Variants in KCTD8 observed in about 807,000 individuals in gnomAD.
The protein encoded by KCTD8 is BTB/POZ domain-containing protein KCTD8.
KCTD8 carries 27 observed loss-of-function variants against 31.5 expected under a neutral mutation model. That is an observed-to-expected ratio of 0.86 (90% CI 0.63 to 1.18). The LOEUF is 1.18. Among genes scored for constraint, KCTD8 ranks in the 50% most tolerant of loss-of-function variants. The pLI is 0.00. For synonymous variants in KCTD8, 290 were observed against 280.0 expected (o/e 1.04, Z -0.36); for missense variants, 658 against 647.7 (o/e 1.02, Z -0.17).
chr4:44,331,536 A>G (rs1718590701), intron 1 of KCTD8, among the ~76,000 whole-genome samples: 1 of 151,708 alleles, frequency 6.6e-6, no homozygotes, highest in Non-Finnish European at 1.5e-5. Flanking sequence ...TCTTATTGTA[A>G]TGAATGTGAC....
chr4:44,425,333 A>G (rs1721320199), intron 1 of KCTD8, among the ~76,000 whole-genome samples: 1 of 152,076 alleles, frequency 6.6e-6, no homozygotes, highest in Non-Finnish European at 1.5e-5. Flanking sequence ...CAAATAACAG[A>G]GAAAATGGTG....
chr4:44,349,267 G>A (rs1020857969), intron 1 of KCTD8, among the ~76,000 whole-genome samples: 5 of 152,144 alleles, frequency 3.3e-5, no homozygotes, highest in Non-Finnish European at 7.3e-5. Flanking sequence ...GAGAAATATT[G>A]GGTTGGGAAA....
intron 1 of KCTD8, among the ~76,000 whole-genome samples, chr4:44,436,094 G>A (rs931756345): frequency 1.3e-5 from 2 of 151,980 alleles, no homozygotes; most frequent in Admixed American, 1.3e-4. Context: ...TACAATGGAG[G>A]GATTTGACTG....
chr4:44,425,166 C>T (rs1721314333), intron 1 of KCTD8, among the ~76,000 whole-genome samples: 1 of 152,004 alleles, frequency 6.6e-6, no homozygotes, highest in African/African-American at 2.4e-5. Flanking sequence ...TTTAAGTCAT[C>T]CAGTCTGTGG....
At chr4:44,219,104 T>G (rs1211678678) in intron 1 of KCTD8, among the ~76,000 whole-genome samples, 1 of 152,226 alleles carries the variant, frequency 6.6e-6, no homozygotes, top group Non-Finnish European at 1.5e-5. Context: ...AAAATATCCT[T>G]GGTGGGTATT....
intron 1 of KCTD8, among the ~76,000 whole-genome samples, chr4:44,330,332 C>T (rs543539702): frequency 6.6e-6 from 1 of 152,054 alleles, no homozygotes; most frequent in South Asian, 2.1e-4. Context: ...TTCCATAACA[C>T]TGTCACTAGA....
intron 1 of KCTD8, among the ~76,000 whole-genome samples, chr4:44,203,965 C>T (rs941260559): frequency 7.9e-5 from 12 of 151,624 alleles, no homozygotes; most frequent in Non-Finnish European, 2.9e-5. Context: ...TGTGCAAATG[C>T]CTTTATGGAA....
intron 1 of KCTD8, among the ~76,000 whole-genome samples, chr4:44,256,278 T>C (rs147593512): frequency 6.6e-6 from 1 of 152,008 alleles, no homozygotes; most frequent in East Asian, 1.9e-4. Flanking sequence ...AGATATTCTG[T>C]TCATCAAAGG....
chr4:44,273,634 G>C (rs888158989), intron 1 of KCTD8, among the ~76,000 whole-genome samples: 1 of 151,834 alleles, frequency 6.6e-6, no homozygotes, highest in African/African-American at 2.4e-5. Flanking sequence ...TTTATAAATG[G>C]TCATTTCCTA....
At chr4:44,219,166 T>C (rs1577836790) in intron 1 of KCTD8, among the ~76,000 whole-genome samples, 2 of 152,360 alleles carry the variant, frequency 1.3e-5, no homozygotes. Flanking sequence ...ATTTTAAGAA[T>C]TAATTTATCT....
rs1300551203 is a variant in KCTD8, at chr4:44,343,111, T to C, written c.961+104452A>G. Reference sequence around the variant, plus strand: ...CCACTCACAAATTGGCTGTTTGGTGTAAAAGGCCTAGCTTTTGATCTGTCT... The same window carrying C: ...CCACTCACAAATTGGCTGTTTGGTGCAAAAGGCCTAGCTTTTGATCTGTCT... On this transcript the variant is annotated intron_variant, in intron 1 of 1. Transcript: ENST00000360029. Among the ~76,000 whole-genome samples the C allele has an allele frequency of 2.0e-5, 3 of 152,246 alleles. No individual in the cohort carries two copies. The East Asian group carries it at 5.8e-4, about 29-fold the overall frequency.
chr4:44,349,350 A>G (rs1719139538), intron 1 of KCTD8, among the ~76,000 whole-genome samples: 1 of 152,174 alleles, frequency 6.6e-6, no homozygotes, highest in Non-Finnish European at 1.5e-5. Flanking sequence ...AGCACTGGGC[A>G]GGGGGCACCT....
At chr4:44,313,445 C>T (rs932504951) in intron 1 of KCTD8, among the ~76,000 whole-genome samples, 16 of 152,134 alleles carry the variant, frequency 1.1e-4, no homozygotes, top group African/African-American at 3.9e-4. Flanking sequence ...AATAAAACTG[C>T]TCTTGAATTT....
intron 1 of KCTD8, among the ~76,000 whole-genome samples, chr4:44,194,279 T>G (rs1713863080): frequency 6.6e-6 from 1 of 152,158 alleles, no homozygotes; most frequent in African/African-American, 2.4e-5. Flanking sequence ...TGCACTTTAG[T>G]CTAAACCTGA....
At chr4:44,333,333 C>T (rs150284679) in intron 1 of KCTD8, among the ~76,000 whole-genome samples, 144 of 152,112 alleles carry the variant, frequency 9.5e-4, no homozygotes, top group African/African-American at 1.7e-3. Flanking sequence ...TTTAATAAGT[C>T]GCAAGCAAAC....
At chr4:44,436,108 C>A (rs890168261) in intron 1 of KCTD8, among the ~76,000 whole-genome samples, 2 of 152,068 alleles carry the variant, frequency 1.3e-5, no homozygotes, top group Non-Finnish European at 2.9e-5. Flanking sequence ...TTGACTGACA[C>A]CACTCACATC....
intron 1 of KCTD8, among the ~76,000 whole-genome samples, chr4:44,397,710 T>C (rs1720541404): frequency 6.6e-6 from 1 of 152,154 alleles, no homozygotes; most frequent in Non-Finnish European, 1.5e-5. Context: ...GATTATATCT[T>C]CTTACAAAAA....
chr4:44,420,973 A>T (rs1721194454), intron 1 of KCTD8, among the ~76,000 whole-genome samples: 1 of 151,910 alleles, frequency 6.6e-6, no homozygotes, highest in Non-Finnish European at 1.5e-5. Context: ...TTAAGAAGAG[A>T]GATTAAAAAA....
intron 1 of KCTD8, among the ~76,000 whole-genome samples, chr4:44,207,837 T>C (rs1223627754): frequency 6.6e-6 from 1 of 152,164 alleles, no homozygotes. Flanking sequence ...CCTAAGATAA[T>C]GCTGGAAGAT....
Sources: gnomAD v4.1 joint callset for allele counts (sites outside exome capture counted in the v4.1 genomes callset) on GRCh38, gnomAD v4.1.1 for gene constraint, MANE v1.5 for transcripts, NCBI Gene and HGNC (gene_info 2026-07-23, HGNC 2026-07-21) for gene names.